RBM7: variants seen among roughly 807,000 people sequenced by gnomAD.
RBM7 encodes the protein RNA-binding protein 7.
A neutral mutation model predicts 31.0 loss-of-function variants in RBM7; 13 were observed. The observed-to-expected ratio is 0.42, with a 90% CI of 0.27 to 0.67. RBM7 has a LOEUF of 0.67. Among genes scored for constraint, RBM7 ranks in the 30% least tolerant of loss-of-function variants. The pLI is 0.24. For missense variants in RBM7, 245 were observed against 326.2 expected, an observed-to-expected ratio of 0.75 and a Z score of 1.92; for synonymous variants, 106 against 111.2, an observed-to-expected ratio of 0.95 and a Z score of 0.30.
At chr11:114,404,372 T>C (rs1025832711) in intron 3 of RBM7, among the ~76,000 whole-genome samples, 3 of 152,210 alleles carry the variant, frequency 2.0e-5, no homozygotes, top group Non-Finnish European at 2.9e-5. Flanking sequence ...GAGCCAGCAA[T>C]AGTGCAAAAA....
In RBM7 at chr11:114,409,393, G is replaced by C. The variant is rs2135360735; in HGVS notation, c.*1586G>C. The C allele has an allele frequency of 6.6e-6, 1 of 151,790 alleles. No homozygotes were observed. The highest frequency in any genetic ancestry group is 6.6e-5 in the Admixed American group (1 of 15,256). 9.4% of individuals were successfully genotyped at this position (151,790 alleles called of 1,614,324 possible). The stretch of plus-strand genomic sequence containing the variant: ...TTGTTTTTGTTTTTTTTTTGAGACA[G>C]AGTCTTGCTACGACACCCAGGCTAG... On this transcript the variant is annotated 3_prime_UTR_variant, in exon 5 of 5. Coordinates refer to ENST00000375490, the MANE Select transcript of RBM7 (RefSeq NM_001286045.2).
chr11:114,404,644 C>A (rs532669178), intron 3 of RBM7, among the ~76,000 whole-genome samples: 1 of 151,880 alleles, frequency 6.6e-6, no homozygotes, highest in Non-Finnish European at 1.5e-5. Context: ...TTGGGACTAG[C>A]CTAGGCAACA....
rs1003240743 is a variant in RBM7, at chr11:114,403,828, G to A, written c.347+913G>A. The stretch of plus-strand genomic sequence containing the variant: ...TGTGATTGAGCCCAGCCACTATGAT[G>A]TATTATCTAGAGGAGCTTAAAGTCT... On this transcript the variant is annotated intron_variant, in intron 3 of 4. Coordinates refer to ENST00000375490, the MANE Select transcript of RBM7 (RefSeq NM_001286045.2). Among the ~76,000 whole-genome samples, 5 of 152,176 alleles carry A rather than the reference G, an allele frequency of 3.3e-5. No individual in the cohort carries two copies. The East Asian group carries it at 9.6e-4, about 29-fold the overall frequency.
rs1356185153 is a variant in RBM7, at chr11:114,408,798, T to C, written c.*991T>C. On this transcript the variant is annotated 3_prime_UTR_variant, in exon 5 of 5. Coordinates refer to ENST00000375490, the MANE Select transcript of RBM7 (RefSeq NM_001286045.2). ...AACAAAAGCTTGTATTAAGATACTG[T>C]TTTCATTTCATTACAGAATTGTTTA... is the stretch of plus-strand genomic sequence containing the variant. The C allele has an allele frequency of 6.6e-6, 1 of 152,172 alleles. No individual in the cohort carries two copies. The highest frequency in any genetic ancestry group is 1.5e-5 in the Non-Finnish European group (1 of 68,004). 9.4% of individuals were successfully genotyped at this position (152,172 alleles called of 1,614,324 possible).
rs185442231 is a variant in RBM7, at chr11:114,408,753, A to T, written c.*946A>T. On this transcript the variant is annotated 3_prime_UTR_variant, in exon 5 of 5. Coordinates refer to ENST00000375490, the MANE Select transcript of RBM7 (RefSeq NM_001286045.2). ...TTTAATCTTAACGTTTTCTAATTTTAAAATTTTAAAATCTTGTTTAACAAA... is the reference window on the plus strand; with the variant it reads ...TTTAATCTTAACGTTTTCTAATTTTTAAATTTTAAAATCTTGTTTAACAAA... 3.3e-4 allele frequency: 50 copies of T among 152,296 alleles called. No homozygotes were observed. Among genetic ancestry groups the T allele is most frequent in the Admixed American group, 2.8e-3 (43 of 15,306 alleles). 9.4% of individuals were successfully genotyped at this position (152,296 alleles called of 1,614,324 possible).
rs1272344905 is a variant in RBM7 at position 114,408,045 on chromosome 11, A to G, written c.*238A>G. On this transcript the variant is annotated 3_prime_UTR_variant, in exon 5 of 5. Coordinates refer to ENST00000375490, the MANE Select transcript of RBM7 (RefSeq NM_001286045.2). ...GTTTTATGCAAAAGAAAGTGCTACA[A>G]TTCCTAATCATTTTAGACACTTTAG... is the stretch of plus-strand genomic sequence containing the variant. 6 of 327,566 alleles carry G rather than the reference A, an allele frequency of 1.8e-5. No individual in the cohort carries two copies. The highest frequency in any genetic ancestry group is 2.8e-5 in the Non-Finnish European group (5 of 181,474). 20.3% of individuals were successfully genotyped at this position (327,566 alleles called of 1,614,324 possible). A position where few individuals can be genotyped will look rare whatever the true frequency, so the allele number is the denominator to read the frequency against.
intron 2 of RBM7, 94 bp downstream of exon 2, chr11:114,401,954 T>A (rs1218275929): frequency 6.1e-6 from 8 of 1,321,678 alleles, no homozygotes; most frequent in Non-Finnish European, 8.2e-6. Flanking sequence ...AGATGAAACT[T>A]CTTTCTTAAG....
chr11:114,407,892 T>C lies in RBM7; in HGVS notation c.*85T>C. 7.1e-7 allele frequency: 1 copy of C among 1,412,094 alleles called. No homozygotes were observed. Among genetic ancestry groups the C allele is most frequent in the Non-Finnish European group, 9.4e-7 (1 of 1,059,034 alleles). The allele number at this position is 1,412,094 out of a possible 1,614,324, so 87.5% of individuals were successfully genotyped here. ...ATGGAAATATTTTGTTGAAAAACTG[T>C]ACAGAGCAGCTTTACAAGTTGTCAC... On this transcript the variant is annotated 3_prime_UTR_variant, in exon 5 of 5. Coordinates refer to ENST00000375490, the MANE Select transcript of RBM7 (RefSeq NM_001286045.2).
chr11:114,405,050 C>T (rs1946248763), intron 3 of RBM7, among the ~76,000 whole-genome samples: 2 of 152,164 alleles, frequency 1.3e-5, no homozygotes, highest in African/African-American at 2.4e-5. Context: ...CGGGAAATAT[C>T]TACCTAATTG....
At position 114,405,345 on chromosome 11, in the gene RBM7, G is replaced by T. The variant is rs1200366597; in HGVS notation, c.348-361G>T. On this transcript the variant is annotated intron_variant, in intron 3 of 4. Coordinates refer to ENST00000375490, the MANE Select transcript of RBM7 (RefSeq NM_001286045.2). Reference sequence around the variant, plus strand: ...AGGGAAAACTGAATTTGGCAGTTTGGCCCACTGGCTATACTTGCTCACCCC... The same window carrying T: ...AGGGAAAACTGAATTTGGCAGTTTGTCCCACTGGCTATACTTGCTCACCCC... Among the ~76,000 whole-genome samples the T allele has an allele frequency of 4.6e-5, 7 of 152,246 alleles. No homozygotes were observed. The South Asian group carries it at 1.0e-3, about 23-fold the overall frequency.
intron 2 of RBM7, among the ~76,000 whole-genome samples, chr11:114,402,382 C>CTTTTTTTTTT (rs71063570): frequency 4.0e-5 from 2 of 50,162 alleles, no homozygotes; most frequent in Non-Finnish European, 7.8e-5. Context: ...GCTTGAGATT[C>CTTTTTTTTTT]TTTTTTTTTT....
chr11:114,401,980 A>G, intron 2 of RBM7, 120 bp downstream of exon 2: 1 of 1,025,518 alleles, frequency 9.8e-7, no homozygotes, highest in Non-Finnish European at 1.4e-6. Context: ...TGAATAGTAA[A>G]CTTTATATAG....
chr11:114,404,272 G>A (rs1056152757), intron 3 of RBM7, among the ~76,000 whole-genome samples: 71 of 152,284 alleles, frequency 4.7e-4, no homozygotes, highest in African/African-American at 1.6e-3. Flanking sequence ...GGAAGCTATT[G>A]ATGGATGAGG....
rs1250157181 is a variant in RBM7 at position 114,400,776 on chromosome 11, C to T, written c.96+9C>T. On this transcript the variant is annotated intron_variant, in intron 1 of 4. Transcript: ENST00000375490. The stretch of plus-strand genomic sequence containing the variant: ...TCGAGCTTTTCCACCAGGTAAGCGG[C>T]TGGGTTCGGCCCTTTGCCTTTCGTT... 2 of 1,614,208 alleles carry T rather than the reference C, an allele frequency of 1.2e-6. No homozygotes were observed. Among genetic ancestry groups the T allele is most frequent in the East Asian group, 2.2e-5 (1 of 44,878 alleles).
rs758764430 is a variant in RBM7 at position 114,408,637 on chromosome 11, CT to C, written c.*833del. ...GCTTCTGTCAGTCAAACGTTAAAAA[CT>C]TTAACATTTTCAAAGTGCCCAGACT... is the stretch of plus-strand genomic sequence containing the variant. On this transcript the variant is annotated 3_prime_UTR_variant, in exon 5 of 5. Transcript: ENST00000375490. 2.6e-5 allele frequency: 4 copies of C among 152,526 alleles called. No individual in the cohort carries two copies. The highest frequency in any genetic ancestry group is 9.7e-5 in the African/African-American group (4 of 41,428). The allele number at this position is 152,526 out of a possible 1,614,324, so 9.4% of individuals were successfully genotyped here. A position where few individuals can be genotyped will look rare whatever the true frequency, so the allele number is the denominator to read the frequency against.
chr11:114,407,727 A>G lies in RBM7; in HGVS notation c.724A>G (p.Asn242Asp). The G allele has an allele frequency of 6.2e-7, 1 of 1,614,046 alleles. No homozygotes were observed. Among genetic ancestry groups the G allele is most frequent in the Admixed American group, 1.7e-5 (1 of 60,032 alleles). The change falls in exon 5 of 5, where the codon AAT becomes GAT. Residue 242 changes from asparagine to aspartate, a missense_variant. By Grantham distance (23) the Asn-to-Asp change is conservative. Transcript: ENST00000375490. ...AGATGATTTCTTCTATGAAGACAGG[A>G]ATCATGATGACTGGAGCCATGACTA... is the stretch of plus-strand genomic sequence containing the variant. ...KRDDFFYEDR[N>D]HDDWSHDYDN...
chr11:114,401,624 ATAT>A (rs756274076), intron 1 of RBM7, 71 bp from the exon 2 acceptor site: 33 of 1,200,368 alleles, frequency 2.7e-5, no homozygotes, highest in Non-Finnish European at 3.3e-5. Context: ...AAACTTTGTC[ATAT>A]CTTATTTGTA....
In RBM7 at chr11:114,409,899, T is replaced by A. The variant is rs1946315651; in HGVS notation, c.*2092T>A. On this transcript the variant is annotated 3_prime_UTR_variant, in exon 5 of 5. Coordinates refer to ENST00000375490, the MANE Select transcript of RBM7 (RefSeq NM_001286045.2). Reference sequence around the variant, plus strand: ...GCCTTAAAAAATTGAATATAGTTGGTGAGACAACTCAGAAGTACAGGTTTG... The same window carrying A: ...GCCTTAAAAAATTGAATATAGTTGGAGAGACAACTCAGAAGTACAGGTTTG... 1 of 152,186 alleles carries A rather than the reference T, an allele frequency of 6.6e-6. No individual in the cohort carries two copies. Among genetic ancestry groups the A allele is most frequent in the South Asian group, 2.1e-4 (1 of 4,828 alleles). The allele number at this position is 152,186 out of a possible 1,614,324, so 9.4% of individuals were successfully genotyped here.
intron 4 of RBM7, 38 bp from the exon 5 acceptor site, chr11:114,407,407 C>A: frequency 6.4e-7 from 1 of 1,567,128 alleles, no homozygotes; most frequent in South Asian, 1.2e-5. Context: ...GCTTTGATAT[C>A]TAGAAGTATT....
Sources: gnomAD v4.1 joint callset for allele counts (sites outside exome capture counted in the v4.1 genomes callset) on GRCh38, gnomAD v4.1.1 for gene constraint, MANE v1.5 for transcripts, NCBI Gene and HGNC (gene_info 2026-07-23, HGNC 2026-07-21) for gene names.